Variants in MGME1 observed in about 807,000 individuals in gnomAD.
MGME1 encodes the protein chromosome 20 open reading frame 72.
A neutral mutation model predicts 33.0 loss-of-function variants in MGME1; 22 were observed. That is an observed-to-expected ratio of 0.67 (90% CI 0.48 to 0.95). MGME1 has a LOEUF of 0.95. MGME1 is among the 40% of genes least tolerant of loss of function. MGME1 has a pLI of 0.00. For synonymous variants in MGME1, 133 were observed against 144.0 expected (o/e 0.92, Z 0.55); for missense variants, 383 against 397.8 (o/e 0.96, Z 0.32).
chr20:17,983,131 AT>A (rs1344032008), intron 3 of MGME1, among the ~76,000 whole-genome samples: 1 of 152,050 alleles, frequency 6.6e-6, no homozygotes, highest in Non-Finnish European at 1.5e-5. Flanking sequence ...ACTTTTTTAG[AT>A]TCCACATATA....
chr20:17,987,213 G>C (rs374142735), intron 3 of MGME1, among the ~76,000 whole-genome samples: 1 of 149,474 alleles, frequency 6.7e-6, no homozygotes, highest in East Asian at 2.0e-4. Flanking sequence ...TGGCATCCTA[G>C]AGTTACTGGG....
intron 3 of MGME1, among the ~76,000 whole-genome samples, chr20:17,978,741 T>C (rs2035930234): frequency 6.6e-6 from 1 of 152,130 alleles, no homozygotes; most frequent in African/African-American, 2.4e-5. Flanking sequence ...ACCTTGGTAA[T>C]ATGAACATTT....
At chr20:17,981,357 TA>T (rs1430675483) in intron 3 of MGME1, among the ~76,000 whole-genome samples, 1 of 152,228 alleles carries the variant, frequency 6.6e-6, no homozygotes, top group Non-Finnish European at 1.5e-5. Flanking sequence ...AACCTTAGAT[TA>T]ATTACTTAGT....
intron 2 of MGME1, 77 bp from the exon 3 acceptor site, chr20:17,975,607 C>G: frequency 5.3e-6 from 5 of 941,952 alleles, no homozygotes; most frequent in Non-Finnish European, 4.9e-6. Context: ...TGTTTCAGGG[C>G]GTTTTAGAGT....
At chr20:17,986,539 TTA>T (rs2036159043) in intron 3 of MGME1, among the ~76,000 whole-genome samples, 2 of 151,644 alleles carry the variant, frequency 1.3e-5, no homozygotes, top group African/African-American at 2.4e-5. Context: ...TTGGTATTTT[TTA>T]TAGAGACAGG....
At chr20:17,977,484 C>T (rs1328233376) in intron 3 of MGME1, among the ~76,000 whole-genome samples, 1 of 152,036 alleles carries the variant, frequency 6.6e-6, no homozygotes, top group African/African-American at 2.4e-5. Context: ...ATAGCTACTC[C>T]ATAGACAGAG....
intron 4 of MGME1, 139 bp from the exon 5 acceptor site, chr20:17,989,800 A>G: frequency 1.4e-6 from 1 of 713,754 alleles, no homozygotes; most frequent in Non-Finnish European, 2.3e-6. Flanking sequence ...GCAGTCTTTG[A>G]TCAACCTACC....
intron 4 of MGME1, among the ~76,000 whole-genome samples, chr20:17,989,139 A>G (rs1353782176): frequency 6.6e-6 from 1 of 152,024 alleles, no homozygotes; most frequent in African/African-American, 2.4e-5. Flanking sequence ...TAATTCCAGC[A>G]CTTTGGGAGG....
chr20:17,975,649 T>C, intron 2 of MGME1, 35 bp from the exon 3 acceptor site: 2 of 1,499,988 alleles, frequency 1.3e-6, no homozygotes, highest in Non-Finnish European at 1.9e-6. Context: ...TTGTTTGTGT[T>C]TCCCCCCTCC....
At chr20:17,969,530 C>T (rs1215750146) in intron 1 of MGME1, among the ~76,000 whole-genome samples, 1 of 152,230 alleles carries the variant, frequency 6.6e-6, no homozygotes, top group Non-Finnish European at 1.5e-5. Context: ...CCGTGTCTCG[C>T]ACACGCCTCC....
At chr20:17,970,530 T>A (rs1412133412) in intron 2 of MGME1, among the ~76,000 whole-genome samples, 160 bp downstream of exon 2, 1 of 152,234 alleles carries the variant, frequency 6.6e-6, no homozygotes, top group African/African-American at 2.4e-5. Context: ...GTGTATTAAC[T>A]CACTTGATCC....
intron 2 of MGME1, among the ~76,000 whole-genome samples, chr20:17,974,326 A>G (rs571117878): frequency 4.5e-4 from 69 of 152,152 alleles, no homozygotes; most frequent in Admixed American, 3.3e-3. Flanking sequence ...TGGCTGCCCA[A>G]AGTGCTGGGA....
intron 3 of MGME1, among the ~76,000 whole-genome samples, chr20:17,985,087 C>A (rs116666552): frequency 6.9e-6 from 1 of 144,672 alleles, no homozygotes; most frequent in Admixed American, 7.0e-5. Context: ...TATAGTTGTA[C>A]GATGTGTTTG....
upstream of MGME1, chr20:17,968,768 C>A: frequency 2.9e-6 from 1 of 341,290 alleles, no homozygotes; most frequent in Non-Finnish European, 5.4e-6. Context: ...AACGGACACT[C>A]TCCCAGCAAG....
intron 3 of MGME1, among the ~76,000 whole-genome samples, chr20:17,980,030 C>T (rs1253632152): frequency 1.3e-5 from 2 of 151,830 alleles, no homozygotes; most frequent in Non-Finnish European, 2.9e-5. Flanking sequence ...TATGCCTGGC[C>T]GATTTTGTTT....
At chr20:17,977,221 C>A (rs758081329) in intron 3 of MGME1, among the ~76,000 whole-genome samples, 1 of 151,726 alleles carries the variant, frequency 6.6e-6, no homozygotes, top group Non-Finnish European at 1.5e-5. Context: ...ACTAAAAATA[C>A]AAAAATTAGC....
At chr20:17,986,225 C>T (rs937177339) in intron 3 of MGME1, among the ~76,000 whole-genome samples, 3 of 152,070 alleles carry the variant, frequency 2.0e-5, no homozygotes, top group African/African-American at 7.2e-5. Context: ...CACATCACCA[C>T]GCCTGGCTAA....
chr20:17,984,380 A>G (rs2036103962), intron 3 of MGME1, among the ~76,000 whole-genome samples: 1 of 152,170 alleles, frequency 6.6e-6, no homozygotes, highest in African/African-American at 2.4e-5. Flanking sequence ...GTGGTCCCAT[A>G]AGATTATAAT....
Position 17,970,072 on chromosome 20 carries a change from G to T in MGME1, c.213G>T (p.Ser71=), listed in dbSNP as rs867108180. The change falls in exon 2 of 5, where the codon TCG becomes TCT. Residue 71 remains serine, a synonymous_variant. Transcript: ENST00000377710. Reference sequence around the variant, plus strand: ...GAGGCGTCGCCCAGACCCCGGGATCGGTGGAGGAAGATGCTTTGCTCTGTG... The same window carrying T: ...GAGGCGTCGCCCAGACCCCGGGATCTGTGGAGGAAGATGCTTTGCTCTGTG... ...SSRGVAQTPG[S]VEEDALLCGP... 3.7e-6 allele frequency: 6 copies of T among 1,614,112 alleles called. No homozygotes were observed. The African/African-American group carries it at 6.7e-5, about 18-fold the overall frequency.
Sources: gnomAD v4.1 joint callset for allele counts (sites outside exome capture counted in the v4.1 genomes callset) on GRCh38, gnomAD v4.1.1 for gene constraint, MANE v1.5 for transcripts, NCBI Gene and HGNC (gene_info 2026-07-23, HGNC 2026-07-21) for gene names.